The following OSBPL2 variants were observed in gnomAD, a reference collection of about 807,000 sequenced individuals.
The protein encoded by OSBPL2 is oxysterol-binding protein-related protein 2.
OSBPL2 carries 18 observed loss-of-function variants against 58.4 expected under a neutral mutation model. That is an observed-to-expected ratio of 0.31 (90% CI 0.21 to 0.46). OSBPL2 has a LOEUF of 0.46. Among genes scored for constraint, OSBPL2 ranks in the 20% least tolerant of loss-of-function variants. The pLI is 1.00. For missense variants in OSBPL2, 461 were observed against 616.5 expected, an observed-to-expected ratio of 0.75 and a Z score of 2.67; for synonymous variants, 221 against 234.1, an observed-to-expected ratio of 0.94 and a Z score of 0.51.
At chr20:62,256,309 G>A (rs1178644142) in intron 2 of OSBPL2, 88 bp downstream of exon 2, 2 of 1,228,978 alleles carry the variant, frequency 1.6e-6, no homozygotes, top group Non-Finnish European at 1.2e-6. Flanking sequence ...GGGGTGTAAA[G>A]ATGCTCAGTA....
At chr20:62,265,244 G>A (rs1209922170) in intron 4 of OSBPL2, among the ~76,000 whole-genome samples, 2 of 152,076 alleles carry the variant, frequency 1.3e-5, no homozygotes, top group African/African-American at 4.8e-5. Flanking sequence ...TATTTATTCA[G>A]TTATTTATTT....
In OSBPL2 at chr20:62,293,824, C is replaced by T. The variant is rs368486901; in HGVS notation, c.1380C>T (p.Pro460=). The T allele has an allele frequency of 2.9e-5, 47 of 1,614,026 alleles. No homozygotes were observed. The highest frequency in any genetic ancestry group is 1.6e-4 in the Middle Eastern group (1 of 6,084). The change falls in exon 14 of 14, where the codon CCC becomes CCT. Residue 460 remains proline (P), a synonymous_variant. Coordinates refer to ENST00000313733, the MANE Select transcript of OSBPL2 (RefSeq NM_144498.4). ...YPGNNPYTGT[P]DWLYAGDYFE... ...GCAATAACCCCTACACTGGGACCCC[C>T]GACTGGTTGTATGCAGGGGATTACT... is the stretch of plus-strand genomic sequence containing the variant.
At chr20:62,286,427 G>A in intron 10 of OSBPL2, 156 bp from the exon 11 acceptor site, 1 of 769,068 alleles carries the variant, frequency 1.3e-6, no homozygotes, top group East Asian at 2.6e-5. Flanking sequence ...TCCAGCCTGG[G>A]CAACAGAGCG....
chr20:62,244,810 A>G (rs1196948734), intron 1 of OSBPL2, among the ~76,000 whole-genome samples: 1 of 152,254 alleles, frequency 6.6e-6, no homozygotes, highest in Non-Finnish European at 1.5e-5. Context: ...CACTCCCCAC[A>G]GCTGCTTCTT....
chr20:62,242,968 T>C (rs925965352), intron 1 of OSBPL2, among the ~76,000 whole-genome samples: 3 of 152,120 alleles, frequency 2.0e-5, no homozygotes, highest in African/African-American at 7.2e-5. Flanking sequence ...TGGAAGTGAG[T>C]GCCTGTGCTT....
At chr20:62,262,199 T>C (rs1360998023) in intron 3 of OSBPL2, among the ~76,000 whole-genome samples, 1 of 151,082 alleles carries the variant, frequency 6.6e-6, no homozygotes, top group Admixed American at 6.6e-5. Context: ...CTAGAAGAAA[T>C]GACCCAGCTC....
Position 62,289,214 on chromosome 20 carries a change from A to G in OSBPL2, c.1133A>G (p.Asn378Ser). The G allele has an allele frequency of 1.2e-6, 2 of 1,613,730 alleles. No individual in the cohort carries two copies. Among genetic ancestry groups the G allele is most frequent in the Non-Finnish European group, 1.7e-6 (2 of 1,179,856 alleles). ...TRPPNSAQMY[N>S]FTSFTVSLNE... ...CTGTGCCTTGCTCCACAGATGTATAATTTCACCAGTTTCACTGTGAGCCTC... is the reference window on the plus strand; with the variant it reads ...CTGTGCCTTGCTCCACAGATGTATAGTTTCACCAGTTTCACTGTGAGCCTC... The change falls in exon 12 of 14, where the codon AAT (asparagine) becomes AGT (serine). Residue 378 changes from asparagine to serine, a missense_variant. Around this residue, in one of 5 missense-constraint regions of OSBPL2, gnomAD observed 319 missense variants for 419.2 expected, o/e 0.76. Coordinates refer to ENST00000313733, the MANE Select transcript of OSBPL2 (RefSeq NM_144498.4).
At chr20:62,273,728 G>C (rs935981984) in intron 6 of OSBPL2, among the ~76,000 whole-genome samples, 6 of 152,340 alleles carry the variant, frequency 3.9e-5, no homozygotes, top group African/African-American at 1.4e-4. Context: ...GGATTGTTGT[G>C]AGCTTCACCG....
At chr20:62,253,970 A>AT (rs578159367) in intron 1 of OSBPL2, among the ~76,000 whole-genome samples, 1 of 151,302 alleles carries the variant, frequency 6.6e-6, no homozygotes, top group Non-Finnish European at 1.5e-5. Flanking sequence ...TTTTTTTTGA[A>AT]TTTTTTTAGT....
At position 62,286,219 on chromosome 20, in the gene OSBPL2, T is replaced by G. The variant is rs1601198951; in HGVS notation, c.997-364T>G. On this transcript the variant is annotated intron_variant, in intron 10 of 13. Coordinates refer to ENST00000313733, the MANE Select transcript of OSBPL2 (RefSeq NM_144498.4). ...ATCTCAGCACTTTTGGAGGCCGAGG[T>G]GGGTGGATTGCCTGAGGTCAGGATT... 2.2e-5 allele frequency: 4 copies of G among 181,910 alleles called. No homozygotes were observed. The South Asian group carries it at 4.2e-4, about 19-fold the overall frequency. The allele number at this position is 181,910 out of a possible 1,614,324, so 11.3% of individuals were successfully genotyped here. A position where few individuals can be genotyped will look rare whatever the true frequency, so the allele number is the denominator to read the frequency against.
intron 1 of OSBPL2, among the ~76,000 whole-genome samples, chr20:62,239,845 G>A (rs893907885): frequency 2.0e-5 from 3 of 152,126 alleles, no homozygotes; most frequent in Non-Finnish European, 2.9e-5. Flanking sequence ...AGAAGCAAAC[G>A]AGATCATTTT....
intron 3 of OSBPL2, among the ~76,000 whole-genome samples, chr20:62,262,083 A>C (rs1365307820): frequency 1.5e-4 from 22 of 142,162 alleles, no homozygotes; most frequent in Middle Eastern, 3.6e-3. Context: ...ACAGATCTGG[A>C]CCCCCCCCCC....
At chr20:62,266,890 T>C (rs1202690001) in intron 4 of OSBPL2, among the ~76,000 whole-genome samples, 1 of 152,246 alleles carries the variant, frequency 6.6e-6, no homozygotes. Flanking sequence ...GTGTTTGCAG[T>C]CCTGTGTCTG....
chr20:62,279,898 CATGTGGCAGGGGTG>C (rs1461754980), intron 7 of OSBPL2: 116 of 1,256,182 alleles, frequency 9.2e-5, no homozygotes, highest in Non-Finnish European at 1.1e-4. Context: ...ACCCTGTGCT[CATGTGGCAGGGGTG>C]ACTTAGGGTT....
rs1317500461 is a variant in OSBPL2 at position 62,269,784 on chromosome 20, C to T, written c.259-2341C>T. Among the ~76,000 whole-genome samples the T allele has an allele frequency of 2.0e-5, 3 of 152,258 alleles. No individual in the cohort carries two copies. The highest frequency in any genetic ancestry group is 4.4e-5 in the Non-Finnish European group (3 of 68,044). ...TGTTCTTGCAGTGCCGAGCTCTGATCACAAGGGTCACCTCTCTTCCTGCTT... is the reference window on the plus strand; with the variant it reads ...TGTTCTTGCAGTGCCGAGCTCTGATTACAAGGGTCACCTCTCTTCCTGCTT... On this transcript the variant is annotated intron_variant, in intron 4 of 13. Transcript: ENST00000313733. This position sits in a 1 kb window ranked among gnomAD's most constrained non-coding sequence, Gnocchi z 4.2.
chr20:62,254,536 A>G (rs1217145519), intron 1 of OSBPL2, among the ~76,000 whole-genome samples: 1 of 152,176 alleles, frequency 6.6e-6, no homozygotes, highest in East Asian at 1.9e-4. Flanking sequence ...GAGACACTGG[A>G]GAGTCTCTCA....
chr20:62,276,662 G>T (rs979654517), intron 6 of OSBPL2, among the ~76,000 whole-genome samples: 2 of 152,188 alleles, frequency 1.3e-5, no homozygotes, highest in African/African-American at 4.8e-5. Context: ...GTGACAGCAG[G>T]GTCCAGCAGG....
At chr20:62,271,753 G>T in intron 4 of OSBPL2, 1 of 216,610 alleles carries the variant, frequency 4.6e-6, no homozygotes, top group Non-Finnish European at 9.2e-6. Flanking sequence ...TGCCCAGCCT[G>T]GGACCACTAC....
intron 1 of OSBPL2, among the ~76,000 whole-genome samples, chr20:62,251,313 C>A (rs1295561557): frequency 6.6e-6 from 1 of 151,096 alleles, no homozygotes; most frequent in African/African-American, 2.4e-5. Flanking sequence ...CTTGGCCTCG[C>A]AAAGTGCTGG....
Sources: allele counts gnomAD v4.1 joint callset (sites outside exome capture counted in the v4.1 genomes callset), GRCh38; gene constraint gnomAD v4.1.1; regional missense constraint gnomAD v4.1.1; non-coding constraint Gnocchi (gnomAD v3.1); transcripts MANE v1.5; gene names NCBI Gene and HGNC (gene_info 2026-07-23, HGNC 2026-07-21).